Variants in IL31RA observed in about 807,000 individuals in gnomAD.
IL31RA encodes interleukin-31 receptor subunit alpha.
Under a neutral mutation model 83.7 loss-of-function variants are expected in IL31RA, and 66 were observed. That is an observed-to-expected ratio of 0.79 (90% CI 0.65 to 0.97). The LOEUF (loss-of-function observed/expected upper bound fraction) is 0.97. Ranked by LOEUF, IL31RA falls within the 50% of genes least tolerant of loss-of-function variation. The probability of loss-of-function intolerance (pLI) is 0.00; values close to 1 mark genes in which losing one functional copy is unlikely to be tolerated. For synonymous variants in IL31RA, 325 were observed against 329.0 expected (o/e 0.99, Z 0.13); for missense variants, 798 against 919.4 (o/e 0.87, Z 1.71).
upstream of IL31RA, among the ~76,000 whole-genome samples, chr5:55,848,903 A>G (rs1229115084): frequency 1.3e-5 from 2 of 152,236 alleles, no homozygotes; most frequent in African/African-American, 4.8e-5. Flanking sequence ...AAAAAATGAA[A>G]CAAGTAAACA....
upstream of IL31RA, among the ~76,000 whole-genome samples, chr5:55,851,214 C>G (rs1180542398): frequency 1.3e-5 from 2 of 152,070 alleles, no homozygotes; most frequent in African/African-American, 4.8e-5. Flanking sequence ...AATACATAAC[C>G]TTGTTTTGTG....
At chr5:55,881,837 T>C (rs2112432919) in intron 4 of IL31RA, among the ~76,000 whole-genome samples, 1 of 146,444 alleles carries the variant, frequency 6.8e-6, no homozygotes, top group South Asian at 2.2e-4. Context: ...TCCTGCCTCC[T>C]GAGTAGCTGG....
intron 5 of IL31RA, among the ~76,000 whole-genome samples, chr5:55,888,999 G>T (rs1012143419): frequency 2.0e-5 from 3 of 152,128 alleles, no homozygotes; most frequent in African/African-American, 7.2e-5. Flanking sequence ...TCTCTTGCAG[G>T]ATCCATGGGA....
chr5:55,910,873 G>A (rs1749465262), intron 12 of IL31RA, among the ~76,000 whole-genome samples: 1 of 152,152 alleles, frequency 6.6e-6, no homozygotes, highest in Non-Finnish European at 1.5e-5. Flanking sequence ...GTTGAGAGCC[G>A]AATTTGGAAA....
intron 1 of IL31RA, among the ~76,000 whole-genome samples, chr5:55,852,649 A>T (rs1256363721): frequency 6.6e-6 from 1 of 152,194 alleles, no homozygotes; most frequent in Non-Finnish European, 1.5e-5. Context: ...TTCCTTTTGC[A>T]TCATAATCTC....
At chr5:55,856,883 G>T (rs1473007042) in intron 1 of IL31RA, among the ~76,000 whole-genome samples, 1 of 152,090 alleles carries the variant, frequency 6.6e-6, no homozygotes, top group Non-Finnish European at 1.5e-5. Context: ...CTTCTGTTTA[G>T]GATACAATTA....
Position 55,868,762 on chromosome 5 carries a change from T to TTG in IL31RA, c.155-15_155-14dup, listed in dbSNP as rs758980070. 1.3e-4 allele frequency: 148 copies of TTG among 1,173,936 alleles called. 1 individual carries two copies. The highest frequency in any genetic ancestry group is 7.4e-4 in the South Asian group (61 of 82,216). 72.7% of individuals were successfully genotyped at this position (1,173,936 alleles called of 1,614,324 possible). A position where few individuals can be genotyped will look rare whatever the true frequency, so the allele number is the denominator to read the frequency against. The stretch of plus-strand genomic sequence containing the variant: ...TTATTGTGTACTGAAATTTTTGTGT[T>TTG]TGTGTGTGTGTGTGTTTAATTTATT... On this transcript the variant is annotated intron_variant, in intron 2 of 14. Transcript: ENST00000652347.
chr5:55,897,586 A>G (rs565177726), intron 7 of IL31RA, among the ~76,000 whole-genome samples: 1 of 152,286 alleles, frequency 6.6e-6, no homozygotes, highest in South Asian at 2.1e-4. Flanking sequence ...GTGGGGCACA[A>G]AAACAGAAGA....
Position 55,883,062 on chromosome 5 carries a change from A to G in IL31RA, c.473A>G (p.Lys158Arg). 4 of 1,614,074 alleles carry G rather than the reference A, an allele frequency of 2.5e-6. No individual in the cohort carries two copies. The highest frequency in any genetic ancestry group is 3.4e-6 in the Non-Finnish European group (4 of 1,179,972). Residue 158 changes from lysine (K) to arginine (R), a missense_variant, in exon 5 of 15, where the codon AAG (lysine) becomes AGG (arginine). Physicochemically the swap from Lys to Arg is conservative, Grantham distance 26. Transcript: ENST00000652347. ...LENIAKTEPP[K>R]IFRVKPVLGI... Reference sequence around the variant, plus strand: ...TTTTCAGCGAAAACTGAACCACCTAAGATTTTCCGTGTGAAACCAGTTTTG... The same window carrying G: ...TTTTCAGCGAAAACTGAACCACCTAGGATTTTCCGTGTGAAACCAGTTTTG...
chr5:55,911,702 T>G (rs893549255), intron 12 of IL31RA, among the ~76,000 whole-genome samples: 11 of 152,052 alleles, frequency 7.2e-5, no homozygotes, highest in African/African-American at 2.2e-4. Context: ...GAGAAACAGA[T>G]ATATATTAAT....
At chr5:55,881,744 T>TTTA (rs1747251113) in intron 4 of IL31RA, among the ~76,000 whole-genome samples, 1 of 141,962 alleles carries the variant, frequency 7.0e-6, no homozygotes, top group Non-Finnish European at 1.5e-5. Context: ...TTTTTTTTTT[T>TTTA]TGAGACAGAG....
At chr5:55,860,079 T>C (rs1745581790) in intron 2 of IL31RA, among the ~76,000 whole-genome samples, 1 of 152,054 alleles carries the variant, frequency 6.6e-6, no homozygotes, top group Admixed American at 6.5e-5. Context: ...ATAATAAAAG[T>C]TAGGTGAGGT....
At chr5:55,875,190 C>A (rs1168088850) in intron 4 of IL31RA, among the ~76,000 whole-genome samples, 1 of 152,092 alleles carries the variant, frequency 6.6e-6, no homozygotes, top group Non-Finnish European at 1.5e-5. Flanking sequence ...ATAAGTTAAA[C>A]AAACCTTGTA....
At position 55,910,079 on chromosome 5, in the gene IL31RA, G is replaced by C. The variant is rs184493162; in HGVS notation, c.1502-453G>C. ...TATGTTTAAATTGGGTTATCTTTTCGTTATTGAATTTATAAGAGTTCTTTA... is the reference window on the plus strand; with the variant it reads ...TATGTTTAAATTGGGTTATCTTTTCCTTATTGAATTTATAAGAGTTCTTTA... On this transcript the variant is annotated intron_variant, in intron 11 of 14. Coordinates refer to ENST00000652347, the MANE Select transcript of IL31RA (RefSeq NM_139017.7). Among the ~76,000 whole-genome samples the C allele has an allele frequency of 2.3e-3, 347 of 152,132 alleles. 1 individual carries two copies. The highest frequency in any genetic ancestry group is 7.5e-3 in the African/African-American group (311 of 41,490).
Position 55,851,487 on chromosome 5 carries a change from A to C in IL31RA, c.-84A>C, listed in dbSNP as rs1202067914. The C allele has an allele frequency of 6.2e-7, 1 of 1,613,384 alleles. No individual in the cohort carries two copies. The highest frequency in any genetic ancestry group is 1.3e-5 in the African/African-American group (1 of 74,904). ...AATAGTAATAACCAGCATGGCACTA[A>C]ATAGACCATGAAAAGACATGTGTGT... On this transcript the variant is annotated 5_prime_UTR_variant, in exon 1 of 15. Coordinates refer to ENST00000652347, the MANE Select transcript of IL31RA (RefSeq NM_139017.7).
intron 14 of IL31RA, among the ~76,000 whole-genome samples, chr5:55,916,266 G>C (rs774360594): frequency 6.6e-6 from 1 of 151,998 alleles, no homozygotes; most frequent in African/African-American, 2.4e-5. Flanking sequence ...TGTAGCCCCT[G>C]CTACTCAGGA....
At chr5:55,886,268 C>CTTGCTCT (rs1235138364) in intron 5 of IL31RA, among the ~76,000 whole-genome samples, 14 of 71,502 alleles carry the variant, frequency 2.0e-4, no homozygotes, top group African/African-American at 1.0e-3. Context: ...TGCTTGCTTG[C>CTTGCTCT]TTTTTTTTTT....
intron 6 of IL31RA, among the ~76,000 whole-genome samples, chr5:55,894,915 C>T (rs1044387972): frequency 6.6e-6 from 1 of 152,106 alleles, no homozygotes; most frequent in Non-Finnish European, 1.5e-5. Context: ...GACAGGGTTT[C>T]ACCATTGGCC....
upstream of IL31RA, among the ~76,000 whole-genome samples, chr5:55,850,000 C>T (rs1286071537): frequency 6.6e-6 from 1 of 152,216 alleles, no homozygotes; most frequent in Non-Finnish European, 1.5e-5. Context: ...ATGGGTAGAG[C>T]ATCCTAGGTG....
Sources: allele counts gnomAD v4.1 joint callset (sites outside exome capture counted in the v4.1 genomes callset), GRCh38; gene constraint gnomAD v4.1.1; transcripts MANE v1.5; gene names NCBI Gene and HGNC (gene_info 2026-07-23, HGNC 2026-07-21).